SMARCAL1: variants seen among roughly 807,000 people sequenced by gnomAD.
SMARCAL1 encodes SNF2 related chromatin remodeling annealing helicase 1, also known as ATP-driven annealing helicase.
In SMARCAL1, 58 loss-of-function variants were observed where a neutral mutation model predicts 94.5. The observed-to-expected ratio is 0.61, with a 90% CI of 0.50 to 0.76. The LOEUF is 0.76. Among genes scored for constraint, SMARCAL1 ranks in the 30% least tolerant of loss-of-function variants. The probability of loss-of-function intolerance (pLI) is 0.00; values close to 1 mark genes in which losing one functional copy is unlikely to be tolerated. For synonymous variants in SMARCAL1, 422 were observed against 455.1 expected (o/e 0.93, Z 0.93); for missense variants, 1,051 against 1,177.9 (o/e 0.89, Z 1.58).
At chr2:216,458,196 C>A (rs1222071472) in intron 12 of SMARCAL1, among the ~76,000 whole-genome samples, 1 of 152,176 alleles carries the variant, frequency 6.6e-6, no homozygotes, top group Non-Finnish European at 1.5e-5. Context: ...TAATTAATAG[C>A]TTACCAACCA....
At position 216,420,071 on chromosome 2, in the gene SMARCAL1, C is replaced by T. The variant is rs73072258; in HGVS notation, c.863-228C>T. On this transcript the variant is annotated intron_variant, in intron 4 of 17. Coordinates refer to ENST00000357276, the MANE Select transcript of SMARCAL1 (RefSeq NM_014140.4). ...AAGAAAAAAAAAAAAGAAAAACTTA[C>T]GGAGATGGAAAGTTACATTCAGCAA... 0.026 allele frequency among the ~76,000 whole-genome samples: 3,803 copies of T among 147,950 alleles called. 65 individuals carry two copies. Among genetic ancestry groups the T allele is most frequent in the Admixed American group, 0.04 (598 of 14,808 alleles).
chr2:216,474,788 A>T (rs1695036476), intron 14 of SMARCAL1, among the ~76,000 whole-genome samples: 1 of 152,158 alleles, frequency 6.6e-6, no homozygotes, highest in Non-Finnish European at 1.5e-5. Context: ...TGTTTTTAGA[A>T]ATTCAGGTCA....
At chr2:216,464,516 G>T in intron 12 of SMARCAL1, 81 bp from the exon 13 acceptor site, 1 of 1,001,274 alleles carries the variant, frequency 1.0e-6, no homozygotes, top group South Asian at 1.3e-5. Context: ...TTTGTAAAGC[G>T]CATAGGAGCA....
intron 11 of SMARCAL1, among the ~76,000 whole-genome samples, chr2:216,448,931 A>G (rs1694380353): frequency 6.6e-6 from 1 of 152,360 alleles, no homozygotes; most frequent in Non-Finnish European, 1.5e-5. Context: ...ACATAGGAGC[A>G]TGCTATCTGT....
chr2:216,471,707 C>T (rs755258712), intron 14 of SMARCAL1, among the ~76,000 whole-genome samples: 3 of 152,122 alleles, frequency 2.0e-5, no homozygotes, highest in Non-Finnish European at 4.4e-5. Flanking sequence ...GGCAGTTTGA[C>T]AGTAAATTAA....
intron 12 of SMARCAL1, among the ~76,000 whole-genome samples, chr2:216,456,231 A>G (rs1262275692): frequency 6.6e-6 from 1 of 152,230 alleles, no homozygotes; most frequent in Non-Finnish European, 1.5e-5. Flanking sequence ...GGTGTACCTG[A>G]AAGTGACGGG....
chr2:216,446,203 G>C (rs1219169743), intron 10 of SMARCAL1, among the ~76,000 whole-genome samples: 1 of 152,154 alleles, frequency 6.6e-6, no homozygotes, highest in African/African-American at 2.4e-5. Context: ...TTGGTGTCTG[G>C]GTAGTGAGGA....
chr2:216,466,652 G>A (rs1694835449), intron 13 of SMARCAL1, among the ~76,000 whole-genome samples: 1 of 151,818 alleles, frequency 6.6e-6, no homozygotes, highest in African/African-American at 2.4e-5. Flanking sequence ...ACAAAGCTGT[G>A]TATGAGATAT....
At chr2:216,446,145 C>A (rs1229240990) in intron 10 of SMARCAL1, among the ~76,000 whole-genome samples, 2 of 151,668 alleles carry the variant, frequency 1.3e-5, no homozygotes, top group East Asian at 3.9e-4. Context: ...TCTTTCCCAT[C>A]TTAATAATAG....
At chr2:216,441,836 C>G (rs1304035818) in intron 10 of SMARCAL1, among the ~76,000 whole-genome samples, 2 of 152,080 alleles carry the variant, frequency 1.3e-5, no homozygotes, top group African/African-American at 4.8e-5. Flanking sequence ...TACTGGCACT[C>G]TTTTAAACAG....
Position 216,423,644 on chromosome 2 carries a change from A to G in SMARCAL1, c.1108A>G (p.Arg370Gly). The G allele has an allele frequency of 6.2e-7, 1 of 1,614,014 alleles. No individual in the cohort carries two copies. The highest frequency in any genetic ancestry group is 8.5e-7 in the Non-Finnish European group (1 of 1,179,846). Residue 370 changes from arginine to glycine, a missense_variant, in exon 6 of 18, where the codon AGG becomes GGG. Arg to Gly is a moderately radical substitution (Grantham distance 125, BLOSUM62 -2). Coordinates refer to ENST00000357276, the MANE Select transcript of SMARCAL1 (RefSeq NM_014140.4). ...MDSRRYDVKT[R>G]KWSFLLEEHS... is the part of the protein sequence containing the mutation. The stretch of plus-strand genomic sequence containing the variant: ...TCTTGTCATTGCAGATGTCAAGACC[A>G]GGAAGTGGAGCTTTCTCTTGGAAGA...
chr2:216,421,678 A>G (rs1214250628), intron 5 of SMARCAL1, among the ~76,000 whole-genome samples: 1 of 152,194 alleles, frequency 6.6e-6, no homozygotes, highest in Non-Finnish European at 1.5e-5. Flanking sequence ...CCTGGGTGTC[A>G]TTCTCAGCTT....
At chr2:216,462,556 G>A (rs1012845563) in intron 12 of SMARCAL1, among the ~76,000 whole-genome samples, 2 of 152,154 alleles carry the variant, frequency 1.3e-5, no homozygotes, top group Non-Finnish European at 2.9e-5. Context: ...AAATAGGAGG[G>A]TAGGTGGCTG....
intron 6 of SMARCAL1, among the ~76,000 whole-genome samples, chr2:216,425,787 G>A (rs1407433616): frequency 6.6e-6 from 1 of 152,184 alleles, no homozygotes; most frequent in Non-Finnish European, 1.5e-5. Context: ...GGGTGTGTGT[G>A]CTGATTGGTC....
At chr2:216,417,413 T>G (rs901813785) in intron 4 of SMARCAL1, among the ~76,000 whole-genome samples, 2 of 152,212 alleles carry the variant, frequency 1.3e-5, no homozygotes, top group African/African-American at 4.8e-5. Context: ...GGTTGGTTTC[T>G]TCAGAGGCCT....
At chr2:216,416,013 G>A in intron 3 of SMARCAL1, 5 of 474,226 alleles carry the variant, frequency 1.1e-5, no homozygotes, top group Non-Finnish European at 1.9e-5. Context: ...TCCTAACTCT[G>A]CCCTCAGTCC....
intron 8 of SMARCAL1, among the ~76,000 whole-genome samples, chr2:216,434,465 C>G (rs1694033283): frequency 6.6e-6 from 1 of 152,120 alleles, no homozygotes; most frequent in African/African-American, 2.4e-5. Flanking sequence ...GAGTCGCATT[C>G]TTTCCCTGCA....
chr2:216,431,525 T>C (rs1363769361), intron 7 of SMARCAL1, among the ~76,000 whole-genome samples: 1 of 152,234 alleles, frequency 6.6e-6, no homozygotes. Flanking sequence ...ATAGTAGTTA[T>C]GATAGAAGCA....
At chr2:216,449,622 A>G (rs1371841279) in intron 11 of SMARCAL1, among the ~76,000 whole-genome samples, 1 of 152,146 alleles carries the variant, frequency 6.6e-6, no homozygotes, top group Non-Finnish European at 1.5e-5. Flanking sequence ...TGAGACACCT[A>G]TTCTGTCTCC....
Sources: gnomAD v4.1 joint callset for allele counts (sites outside exome capture counted in the v4.1 genomes callset) on GRCh38, gnomAD v4.1.1 for gene constraint, MANE v1.5 for transcripts, NCBI Gene and HGNC (gene_info 2026-07-23, HGNC 2026-07-21) for gene names.